Variants in ATP4A observed in about 807,000 individuals in gnomAD.
The protein encoded by ATP4A is potassium-transporting ATPase alpha chain 1.
Under a neutral mutation model 112.1 loss-of-function variants are expected in ATP4A, and 73 were observed. That is an observed-to-expected ratio of 0.65 (90% CI 0.54 to 0.79). The LOEUF is 0.79. ATP4A is among the 30% of genes least tolerant of loss of function. The probability of loss-of-function intolerance (pLI) is 0.00; values close to 1 mark genes in which losing one functional copy is unlikely to be tolerated. For missense variants in ATP4A, 1,081 were observed against 1,425.9 expected (o/e 0.76, Z 3.90); for synonymous variants, 588 against 588.9 (o/e 1.00, Z 0.02).
rs746796959 is a variant in ATP4A, at chr19:35,555,256, C to T, written c.2236G>A (p.Gly746Ser). Residue 746 changes from glycine (G) to serine (S), a missense_variant, in exon 15 of 22, where the codon GGC (glycine) becomes AGC (serine). By Grantham distance (56) the Gly-to-Ser change is moderately conservative (BLOSUM62 0). Transcript: ENST00000262623. This position sits in a 1 kb window ranked among gnomAD's most constrained non-coding sequence, Gnocchi z 6.6. ...TTGGCAGCATCTGAGCCAGCGATGC[C>T]CATGGCTACTCCGATGTCTGCCTTC... ...LKKADIGVAM[G>S]IAGSDAAKNA... 1.2e-6 allele frequency: 2 copies of T among 1,614,214 alleles called. No homozygotes were observed. The highest frequency in any genetic ancestry group is 1.7e-6 in the Non-Finnish European group (2 of 1,180,046).
In ATP4A at chr19:35,557,380, G is replaced by C. The variant is rs2071637017; in HGVS notation, c.1693+275C>G. ...CCACAGATCTGCTTTCTAGGGTAGA[G>C]GCAGCGAAGTTTAAGGCGTCAGGAC... On this transcript the variant is annotated intron_variant, in intron 11 of 21. Transcript: ENST00000262623. This position sits in a 1 kb window ranked among gnomAD's most constrained non-coding sequence, Gnocchi z 4.4. Among the ~76,000 whole-genome samples, 1 of 152,180 alleles carries C rather than the reference G, an allele frequency of 6.6e-6. No individual in the cohort carries two copies. The highest frequency in any genetic ancestry group is 2.1e-4 in the South Asian group (1 of 4,824).
chr19:35,560,079 G>T lies in ATP4A; in HGVS notation c.788-6C>A. 1 of 1,609,554 alleles carries T rather than the reference G, an allele frequency of 6.2e-7. No homozygotes were observed. ...CACCAGGCCCTGCACGGTGCCTGCA[G>T]GGGGGCCAAGGCGCGACTCAGGGAT... is the stretch of plus-strand genomic sequence containing the variant. On this transcript the variant is annotated splice_polypyrimidine_tract_variant and splice_region_variant and intron_variant, in intron 6 of 21. Transcript: ENST00000262623. This position sits in a 1 kb window ranked among gnomAD's most constrained non-coding sequence, Gnocchi z 5.1.
In ATP4A at chr19:35,555,007, G is replaced by A; in HGVS notation, c.2396C>T (p.Thr799Ile). The change falls in exon 16 of 22, where the codon ACA (threonine) becomes ATA (isoleucine). Residue 799 changes from threonine to isoleucine, a missense_variant. By Grantham distance (89) the Thr-to-Ile change is moderately conservative. This residue lies in a region of ATP4A where 219 missense variants were observed against 320.9 expected (regional missense o/e 0.68). Coordinates refer to ENST00000262623, the MANE Select transcript of ATP4A (RefSeq NM_000704.3). The surrounding 1 kb of genome is among the most constrained non-coding windows in gnomAD (Gnocchi z 6.6). ...YTLTKNIPEL[T>I]PYLIYITVSV... ...GACGGTGATGTAGATGAGGTAGGGT[G>A]TCAGCTCTGGGATGTTCTTGGTCAA... 6.2e-7 allele frequency: 1 copy of A among 1,614,198 alleles called. No homozygotes were observed. The highest frequency in any genetic ancestry group is 8.5e-7 in the Non-Finnish European group (1 of 1,180,040).
chr19:35,557,484 A>G lies in ATP4A; in HGVS notation c.1693+171T>C, dbSNP rs1169301918. On this transcript the variant is annotated intron_variant, in intron 11 of 21. Coordinates refer to ENST00000262623, the MANE Select transcript of ATP4A (RefSeq NM_000704.3). This position sits in a 1 kb window ranked among gnomAD's most constrained non-coding sequence, Gnocchi z 4.4. ...TGGGGTCAAGGTAGAAAGTGAGGAC[A>G]GACAGGGGTCAGGACTGGTACAGGG... Among the ~76,000 whole-genome samples, 6 of 152,364 alleles carry G rather than the reference A, an allele frequency of 3.9e-5. No homozygotes were observed. Among genetic ancestry groups the G allele is most frequent in the African/African-American group, 1.4e-4 (6 of 41,586 alleles).
intron 12 of ATP4A, among the ~76,000 whole-genome samples, chr19:35,556,231 C>T (rs745700195): frequency 6.6e-6 from 1 of 152,128 alleles, no homozygotes; most frequent in Non-Finnish European, 1.5e-5. Context: ...GAGGTGAGGA[C>T]AGGCCCGAAC....
chr19:35,556,841 G>A, intron 12 of ATP4A, 72 bp downstream of exon 12: 1 of 1,541,058 alleles, frequency 6.5e-7, no homozygotes, highest in South Asian at 1.2e-5. Context: ...GGTTTGTCAT[G>A]GGGTTCTTCA....
chr19:35,559,656 G>T lies in ATP4A; in HGVS notation c.1056+149C>A. On this transcript the variant is annotated intron_variant, in intron 7 of 21. Coordinates refer to ENST00000262623, the MANE Select transcript of ATP4A (RefSeq NM_000704.3). This position sits in a 1 kb window ranked among gnomAD's most constrained non-coding sequence, Gnocchi z 4.1. ...AGGGTTGCCTCGGGAAGGACTTGCTGAATGAGTGGATGATGGGAAGGCAGG... is the reference window on the plus strand; with the variant it reads ...AGGGTTGCCTCGGGAAGGACTTGCTTAATGAGTGGATGATGGGAAGGCAGG... 1 of 1,322,854 alleles carries T rather than the reference G, an allele frequency of 7.6e-7. No homozygotes were observed. The highest frequency in any genetic ancestry group is 1.0e-6 in the Non-Finnish European group (1 of 982,538). The allele number at this position is 1,322,854 out of a possible 1,614,324, so 81.9% of individuals were successfully genotyped here. A position where few individuals can be genotyped will look rare whatever the true frequency, so the allele number is the denominator to read the frequency against.
In ATP4A at chr19:35,555,309, T is replaced by A; in HGVS notation, c.2183A>T (p.Asp728Val). 1.2e-6 allele frequency: 2 copies of A among 1,613,862 alleles called. No individual in the cohort carries two copies. The highest frequency in any genetic ancestry group is 1.7e-6 in the Non-Finnish European group (2 of 1,179,902). The change falls in exon 15 of 22, where the codon GAT (aspartate) becomes GTT (valine). Residue 728 changes from aspartate to valine, a missense_variant. By Grantham distance (152) the Asp-to-Val change is radical. This residue lies in a region of ATP4A where 850 missense variants were observed against 1,068.2 expected (regional missense o/e 0.80). Transcript: ENST00000262623. The surrounding 1 kb of genome is among the most constrained non-coding windows in gnomAD (Gnocchi z 6.6). ...CAGAGCTGGGGAGTCATTCACACCA[T>A]CCCCCGTGACGGCCACAATCGCACC... ...RLGAIVAVTG[D>V]GVNDSPALKK...
chr19:35,555,889 G>A lies in ATP4A; in HGVS notation c.1870-77C>T. On this transcript the variant is annotated intron_variant, in intron 12 of 21. Transcript: ENST00000262623. This position sits in a 1 kb window ranked among gnomAD's most constrained non-coding sequence, Gnocchi z 6.6. The stretch of plus-strand genomic sequence containing the variant: ...CTGTCCTCCCTGGGAGACATCTGCT[G>A]ATACACGTGTTCATTTACTTGACCA... 1 of 1,521,498 alleles carries A rather than the reference G, an allele frequency of 6.6e-7. No individual in the cohort carries two copies. Among genetic ancestry groups the A allele is most frequent in the Non-Finnish European group, 8.8e-7 (1 of 1,130,598 alleles). The allele number at this position is 1,521,498 out of a possible 1,614,324, so 94.2% of individuals were successfully genotyped here.
chr19:35,557,621 AC>A lies in ATP4A; in HGVS notation c.1693+33del. 1 of 1,577,026 alleles carries A rather than the reference AC, an allele frequency of 6.3e-7. No individual in the cohort carries two copies. Among genetic ancestry groups the A allele is most frequent in the South Asian group, 1.2e-5 (1 of 86,570 alleles). ...AGGGTCTGTGCTAGCTCCTCCTCGCACCTGGAGTCTCCTCCCCTGCCCAGGG... is the reference window on the plus strand; with the variant it reads ...AGGGTCTGTGCTAGCTCCTCCTCGCACTGGAGTCTCCTCCCCTGCCCAGGG... On this transcript the variant is annotated intron_variant, in intron 11 of 21. Coordinates refer to ENST00000262623, the MANE Select transcript of ATP4A (RefSeq NM_000704.3). This position sits in a 1 kb window ranked among gnomAD's most constrained non-coding sequence, Gnocchi z 4.4.
Position 35,558,401 on chromosome 19 carries a change from T to A in ATP4A, c.1461A>T (p.Lys487Asn), listed in dbSNP as rs201223266. ...TGGAGTTGAAGGGTATCTCGCAGAC[T>A]TTTGGGAAGCGGTCCCGGTAGCCCA... ...NAMGYRDRFP[K>N]VCEIPFNSTN... The change falls in exon 10 of 22, where the codon AAA becomes AAT. Residue 487 changes from lysine to asparagine, a missense_variant. Coordinates refer to ENST00000262623, the MANE Select transcript of ATP4A (RefSeq NM_000704.3). This position sits in a 1 kb window ranked among gnomAD's most constrained non-coding sequence, Gnocchi z 5.1. 40 of 1,611,602 alleles carry A rather than the reference T, an allele frequency of 2.5e-5. No homozygotes were observed. In the East Asian group the frequency reaches 8.9e-4, roughly 36 times the overall value.
rs2071644584 is a variant in ATP4A at position 35,558,264 on chromosome 19, C to CA, written c.1500+97dup. On this transcript the variant is annotated intron_variant, in intron 10 of 21. Coordinates refer to ENST00000262623, the MANE Select transcript of ATP4A (RefSeq NM_000704.3). The surrounding 1 kb of genome is among the most constrained non-coding windows in gnomAD (Gnocchi z 5.1). ...GGGGTTTGGCTGCGGAGAGAAGGGG[C>CA]AAGGAGCGAAGCCCCTCGTGGCCCG... The CA allele has an allele frequency of 7.0e-7, 1 of 1,434,628 alleles. No individual in the cohort carries two copies. Among genetic ancestry groups the CA allele is most frequent in the African/African-American group, 1.4e-5 (1 of 69,922 alleles). 88.9% of individuals were successfully genotyped at this position (1,434,628 alleles called of 1,614,324 possible).
chr19:35,560,233 G>A lies in ATP4A; in HGVS notation c.787+130C>T. On this transcript the variant is annotated intron_variant, in intron 6 of 21. Coordinates refer to ENST00000262623, the MANE Select transcript of ATP4A (RefSeq NM_000704.3). The surrounding 1 kb of genome is among the most constrained non-coding windows in gnomAD (Gnocchi z 5.1). ...AGAAGCAGTGTGCCCTGGGGAGGTG[G>A]CAGTCACGGGGAGGTGGCAGTCATG... The A allele has an allele frequency of 6.6e-7, 1 of 1,526,104 alleles. No individual in the cohort carries two copies. The highest frequency in any genetic ancestry group is 1.8e-5 in the Admixed American group (1 of 55,630). 94.5% of individuals were successfully genotyped at this position (1,526,104 alleles called of 1,614,324 possible).
chr19:35,553,958 G>T (rs1242284413), intron 16 of ATP4A, 129 bp from the exon 17 acceptor site: 2 of 1,342,266 alleles, frequency 1.5e-6, no homozygotes, highest in Non-Finnish European at 2.0e-6. Flanking sequence ...CTGCAGGGAC[G>T]GCACAGCCAC....
Position 35,560,537 on chromosome 19 carries a change from T to C in ATP4A, c.613A>G (p.Lys205Glu). Residue 205 changes from lysine (K) to glutamate (E), a missense_variant, in exon 6 of 22, where the codon AAA becomes GAA. Lys to Glu is a moderately conservative substitution (Grantham distance 56). This residue lies in a region of ATP4A where 850 missense variants were observed against 1,068.2 expected (regional missense o/e 0.80). Coordinates refer to ENST00000262623, the MANE Select transcript of ATP4A (RefSeq NM_000704.3). The surrounding 1 kb of genome is among the most constrained non-coding windows in gnomAD (Gnocchi z 5.1). ...TCGGCGGGCACTCTGTCCCCACCTT[T>C]CATCTCCACCAGGTCGCCCACCACC... ...QLVVGDLVEM[K>E]GGDRVPADIR... 6.2e-7 allele frequency: 1 copy of C among 1,613,372 alleles called. No individual in the cohort carries two copies. The highest frequency in any genetic ancestry group is 1.3e-5 in the African/African-American group (1 of 74,920).
chr19:35,559,022 T>C lies in ATP4A; in HGVS notation c.1226A>G (p.His409Arg), dbSNP rs147779995. The C allele has an allele frequency of 5.3e-4, 850 of 1,614,014 alleles. No individual in the cohort carries two copies. The highest frequency in any genetic ancestry group is 6.9e-4 in the Non-Finnish European group (819 of 1,180,018). ...CTGGTCTTCCGTGGTGTCAGCTGTG[T>C]GGATGTGGTTGTCAAACCACAGATG... Reference protein sequence around the residue: ...VSHLWFDNHIHTADTTEDQSG... With the variant: ...VSHLWFDNHIRTADTTEDQSG... Residue 409 changes from histidine to arginine, a missense_variant, in exon 8 of 22, where the codon CAC becomes CGC. Coordinates refer to ENST00000262623, the MANE Select transcript of ATP4A (RefSeq NM_000704.3). This position sits in a 1 kb window ranked among gnomAD's most constrained non-coding sequence, Gnocchi z 4.1.
rs1372284631 is a variant in ATP4A at position 35,558,855 on chromosome 19, C to A, written c.1255+138G>T. Reference sequence around the variant, plus strand: ...CCCGGATGACCCTTCCCTCTAGACCCGGTAGCGAGTCTCCTTTGAGACCTG... The same window carrying A: ...CCCGGATGACCCTTCCCTCTAGACCAGGTAGCGAGTCTCCTTTGAGACCTG... On this transcript the variant is annotated intron_variant, in intron 8 of 21. Transcript: ENST00000262623. This position sits in a 1 kb window ranked among gnomAD's most constrained non-coding sequence, Gnocchi z 5.1. The A allele has an allele frequency of 1.5e-6, 2 of 1,296,398 alleles. No individual in the cohort carries two copies. Among genetic ancestry groups the A allele is most frequent in the Admixed American group, 2.0e-5 (1 of 49,016 alleles). The allele number at this position is 1,296,398 out of a possible 1,614,324, so 80.3% of individuals were successfully genotyped here.
rs2071660904 is a variant in ATP4A, at chr19:35,560,295, A to G, written c.787+68T>C. 1 of 1,598,036 alleles carries G rather than the reference A, an allele frequency of 6.3e-7. No homozygotes were observed. Among genetic ancestry groups the G allele is most frequent in the Non-Finnish European group, 8.5e-7 (1 of 1,171,650 alleles). The stretch of plus-strand genomic sequence containing the variant: ...CAGGGAGGCTGAAGCCCCCTGTCCT[A>G]GAAGATAGCAGGAGAGAGGCCAGTG... On this transcript the variant is annotated intron_variant, in intron 6 of 21. Coordinates refer to ENST00000262623, the MANE Select transcript of ATP4A (RefSeq NM_000704.3). The surrounding 1 kb of genome is among the most constrained non-coding windows in gnomAD (Gnocchi z 5.1).
Position 35,560,018 on chromosome 19 carries a change from G to A in ATP4A, c.843C>T (p.Ile281=), listed in dbSNP as rs373071179. Reference sequence around the variant, plus strand: ...TTTCCACCCCCGACGCCAGCGATGCGATGCGCCCAATGATGGTGCGGTCGC... The same window carrying A: ...TTTCCACCCCCGACGCCAGCGATGCAATGCGCCCAATGATGGTGCGGTCGC... The part of the protein sequence containing the change: ...NTGDRTIIGR[I]ASLASGVENE... Residue 281 remains isoleucine, a synonymous_variant, in exon 7 of 22, where the codon ATC becomes ATT. Coordinates refer to ENST00000262623, the MANE Select transcript of ATP4A (RefSeq NM_000704.3). The surrounding 1 kb of genome is among the most constrained non-coding windows in gnomAD (Gnocchi z 5.1). The A allele has an allele frequency of 2.1e-5, 34 of 1,614,124 alleles. No individual in the cohort carries two copies. The highest frequency in any genetic ancestry group is 4.4e-5 in the South Asian group (4 of 91,090).
Sources: gnomAD v4.1 joint callset for allele counts (sites outside exome capture counted in the v4.1 genomes callset) on GRCh38, gnomAD v4.1.1 for gene constraint, gnomAD v4.1.1 regional missense constraint, Gnocchi (gnomAD v3.1) non-coding constraint, MANE v1.5 for transcripts, NCBI Gene and HGNC (gene_info 2026-07-23, HGNC 2026-07-21) for gene names.